The following MYO16 variants were observed in gnomAD, a reference collection of about 807,000 sequenced individuals.
MYO16 encodes the protein unconventional myosin-XVI.
A neutral mutation model predicts 205.3 loss-of-function variants in MYO16; 94 were observed. The observed-to-expected ratio is 0.46, with a 90% CI of 0.39 to 0.54. The LOEUF is 0.54. MYO16 is among the 20% of genes least tolerant of loss of function. The pLI is 0.00. For synonymous variants in MYO16, 988 were observed against 954.0 expected (o/e 1.04, Z -0.66); for missense variants, 2,315 against 2,387.5 (o/e 0.97, Z 0.63).
At chr13:108,981,331 A>G (rs1442479474) in intron 20 of MYO16, among the ~76,000 whole-genome samples, 1 of 152,256 alleles carries the variant, frequency 6.6e-6, no homozygotes, top group Non-Finnish European at 1.5e-5. Context: ...GCCATCATCA[A>G]GAGAAGTGTC....
At chr13:108,580,919 AGTCT>A in the MYO16 span, among the ~76,000 whole-genome samples, 2 of 152,262 alleles carry the variant, frequency 1.3e-5, no homozygotes, top group South Asian at 2.1e-4. Flanking sequence ...CTGAATAGAC[AGTCT>A]AAGAATACTG....
chr13:109,101,276 A>G (rs539248690), intron 28 of MYO16: 15 of 158,578 alleles, frequency 9.5e-5, no homozygotes, highest in Admixed American at 2.5e-4. Flanking sequence ...TCATAAGTGC[A>G]TGTTCAACCT....
At chr13:108,797,405 C>G (rs112141236) in intron 6 of MYO16, among the ~76,000 whole-genome samples, 16 of 152,172 alleles carry the variant, frequency 1.1e-4, no homozygotes, top group African/African-American at 2.9e-4. Flanking sequence ...AAATTTGGGA[C>G]CAAGCCATGG....
At chr13:108,868,853 G>A (rs1878857587) in intron 12 of MYO16, among the ~76,000 whole-genome samples, 1 of 150,748 alleles carries the variant, frequency 6.6e-6, no homozygotes, top group Non-Finnish European at 1.5e-5. Flanking sequence ...CCGGGTGGCA[G>A]AGGTTGCAGT....
chr13:108,946,187 G>C (rs899147913), intron 16 of MYO16, among the ~76,000 whole-genome samples: 5 of 151,780 alleles, frequency 3.3e-5, no homozygotes, highest in Admixed American at 6.6e-5. Context: ...GAGCATCTCT[G>C]ATCAATATTT....
At chr13:108,630,057 T>G (rs1879905883) in intron 1 of MYO16, among the ~76,000 whole-genome samples, 185 bp downstream of exon 1, 1 of 151,938 alleles carries the variant, frequency 6.6e-6, no homozygotes, top group African/African-American at 2.4e-5. Flanking sequence ...TGTGAAATAA[T>G]TCCAGTGTGA....
intron 4 of MYO16, 41 bp downstream of exon 4, chr13:108,727,624 G>A (rs764642573): frequency 1.3e-6 from 2 of 1,580,880 alleles, no homozygotes; most frequent in Non-Finnish European, 8.6e-7. Flanking sequence ...AGATTTGATG[G>A]CATGTAAAAG....
rs937316713 is a variant in MYO16 at position 108,667,048 on chromosome 13, C to T, written c.292+899C>T. Among the ~76,000 whole-genome samples the T allele has an allele frequency of 8.5e-5, 13 of 152,244 alleles. No individual in the cohort carries two copies. The East Asian group carries it at 1.2e-3, about 14-fold the overall frequency. ...TCACAATTTGGAATCCAAAAAGCTC[C>T]GAAGCCGTTATTTTGATAGCTCATT... On this transcript the variant is annotated intron_variant, in intron 2 of 34. Transcript: ENST00000457511.
chr13:108,681,728 C>T (rs1378802529), intron 2 of MYO16, among the ~76,000 whole-genome samples: 1 of 152,068 alleles, frequency 6.6e-6, no homozygotes, highest in Non-Finnish European at 1.5e-5. Context: ...TTGTTTCTCT[C>T]CTAAGAGATT....
chr13:109,183,760 C>T (rs141029684), intron 34 of MYO16, among the ~76,000 whole-genome samples: 3 of 152,206 alleles, frequency 2.0e-5, no homozygotes, highest in Admixed American at 1.3e-4. Context: ...AGGTATTCAT[C>T]GTAAGAAACC....
At chr13:108,527,823 A>AT in the MYO16 span, among the ~76,000 whole-genome samples, 494 of 152,122 alleles carry the variant, frequency 3.2e-3, 2 homozygotes, top group African/African-American at 0.011. Flanking sequence ...TTGAAAGTGC[A>AT]TTTTTTTTCC....
chr13:108,983,182 T>C lies in MYO16; in HGVS notation c.2370-9194T>C, dbSNP rs538052136. Among the ~76,000 whole-genome samples, 133 of 152,246 alleles carry C rather than the reference T, an allele frequency of 8.7e-4. 2 individuals are homozygous for C. The highest frequency in any genetic ancestry group is 3.2e-3 in the African/African-American group (131 of 41,558). Reference sequence around the variant, plus strand: ...TATACCATGCAAAGTAAAATCAAAATTATATTTCTGGAAACAAATACCATC... The same window carrying C: ...TATACCATGCAAAGTAAAATCAAAACTATATTTCTGGAAACAAATACCATC... On this transcript the variant is annotated intron_variant, in intron 20 of 34. Transcript: ENST00000457511.
intron 2 of MYO16, among the ~76,000 whole-genome samples, chr13:108,677,461 T>C (rs536967007): frequency 1.5e-4 from 23 of 150,742 alleles, no homozygotes; most frequent in African/African-American, 5.4e-4. Context: ...CATGTACATA[T>C]ATGTACCTAT....
intron 4 of MYO16, among the ~76,000 whole-genome samples, chr13:108,760,385 C>T (rs1594272356): frequency 6.6e-6 from 1 of 152,014 alleles, no homozygotes; most frequent in East Asian, 1.9e-4. Flanking sequence ...TCACATGCCT[C>T]TTGCTTCTGT....
chr13:108,855,024 T>C lies in MYO16; in HGVS notation c.1249-419T>C, dbSNP rs529384681. 5.3e-5 allele frequency among the ~76,000 whole-genome samples: 8 copies of C among 152,314 alleles called. No individual in the cohort carries two copies. In the South Asian group the frequency reaches 6.2e-4, roughly 12 times the overall value. Reference sequence around the variant, plus strand: ...CATTTCTTCCTTACCATGCCAACAATGGTAACATGAAAAGTTTTGCTTTAG... The same window carrying C: ...CATTTCTTCCTTACCATGCCAACAACGGTAACATGAAAAGTTTTGCTTTAG... On this transcript the variant is annotated intron_variant, in intron 10 of 34. Transcript: ENST00000457511.
At chr13:108,774,603 T>C (rs1886069508) in intron 4 of MYO16, among the ~76,000 whole-genome samples, 1 of 152,182 alleles carries the variant, frequency 6.6e-6, no homozygotes. Context: ...ACAGTCTATG[T>C]TGTACAAATA....
intron 10 of MYO16, among the ~76,000 whole-genome samples, chr13:108,847,596 ATC>A (rs1371109599): frequency 8.5e-5 from 13 of 152,206 alleles, no homozygotes; most frequent in African/African-American, 2.9e-4. Flanking sequence ...ACTACTTTGC[ATC>A]TCTCTTTCCA....
intron 20 of MYO16, among the ~76,000 whole-genome samples, chr13:108,987,535 T>C (rs1594449210): frequency 6.6e-6 from 1 of 152,354 alleles, no homozygotes; most frequent in Non-Finnish European, 1.5e-5. Flanking sequence ...GACAGGGCAG[T>C]TGGTGAATGC....
intron 1 of MYO16, among the ~76,000 whole-genome samples, chr13:108,648,571 T>A (rs943759510): frequency 1.3e-5 from 2 of 150,664 alleles, no homozygotes; most frequent in Admixed American, 1.3e-4. Flanking sequence ...TAAAAATAAA[T>A]AATATATAAT....
Sources: allele counts gnomAD v4.1 joint callset (sites outside exome capture counted in the v4.1 genomes callset), GRCh38; gene constraint gnomAD v4.1.1; transcripts MANE v1.5; gene names NCBI Gene and HGNC (gene_info 2026-07-23, HGNC 2026-07-21).